CDKN1A: variants seen among roughly 807,000 people sequenced by gnomAD.
CDKN1A encodes the protein cyclin dependent kinase inhibitor 1A, also known as cyclin-dependent kinase inhibitor 1.
CDKN1A carries 14 observed loss-of-function variants against 14.8 expected under a neutral mutation model. The ratio of observed to expected loss-of-function variants is 0.94; its 90% CI spans 0.62 to 1.48. The LOEUF is 1.48. Ranked by LOEUF, CDKN1A falls within the 40% of genes most tolerant of loss-of-function variation. CDKN1A has a pLI of 0.00. For missense variants in CDKN1A, 203 were observed against 231.7 expected, an observed-to-expected ratio of 0.88 and a Z score of 0.80; for synonymous variants, 92 against 93.5, an observed-to-expected ratio of 0.98 and a Z score of 0.09.
At chr6:36,683,279 T>C (rs1762078233) in intron 1 of CDKN1A, among the ~76,000 whole-genome samples, 2 of 152,198 alleles carry the variant, frequency 1.3e-5, no homozygotes, top group Non-Finnish European at 2.9e-5. Context: ...TTAAGTTGCT[T>C]GCCCAGGGTC....
In CDKN1A at chr6:36,684,349, G is replaced by A. The variant is rs757674126; in HGVS notation, c.248G>A (p.Arg83Gln). Residue 83 changes from arginine (R) to glutamine (Q), a missense_variant, in exon 2 of 3, where the codon CGG (arginine) becomes CAG (glutamine). By Grantham distance (43) the Arg-to-Gln change is conservative. Transcript: ENST00000244741. This position sits in a 1 kb window ranked among gnomAD's most constrained non-coding sequence, Gnocchi z 6.0. ...LPKLYLPTGP[R>Q]RGRDELGGGR... ...AAGCTCTACCTTCCCACGGGGCCCCGGCGAGGCCGGGATGAGTTGGGAGGA... is the reference window on the plus strand; with the variant it reads ...AAGCTCTACCTTCCCACGGGGCCCCAGCGAGGCCGGGATGAGTTGGGAGGA... 1.4e-5 allele frequency: 23 copies of A among 1,613,174 alleles called. No homozygotes were observed. The African/African-American group carries it at 2.4e-4, about 17-fold the overall frequency.
intron 1 of CDKN1A, among the ~76,000 whole-genome samples, chr6:36,681,989 C>T (rs966432351): frequency 1.3e-5 from 2 of 152,170 alleles, no homozygotes; most frequent in Non-Finnish European, 2.9e-5. Flanking sequence ...AAATGATTCT[C>T]CCACCTCTGC....
In CDKN1A at chr6:36,684,011, C is replaced by A; in HGVS notation, c.-5-86C>A. 7.6e-7 allele frequency: 1 copy of A among 1,314,396 alleles called. No homozygotes were observed. The allele number at this position is 1,314,396 out of a possible 1,614,324, so 81.4% of individuals were successfully genotyped here. A position where few individuals can be genotyped will look rare whatever the true frequency, so the allele number is the denominator to read the frequency against. ...GAGACCCTCTGGTAGGAAGACGTCA[C>A]CTGAGGTGACACAGCAAAGCCCGGC... is the stretch of plus-strand genomic sequence containing the variant. On this transcript the variant is annotated intron_variant, in intron 1 of 2. Transcript: ENST00000244741. This position sits in a 1 kb window ranked among gnomAD's most constrained non-coding sequence, Gnocchi z 6.0.
intron 1 of CDKN1A, among the ~76,000 whole-genome samples, chr6:36,680,171 A>T (rs1761867203): frequency 6.6e-6 from 1 of 151,862 alleles, no homozygotes; most frequent in East Asian, 1.9e-4. Flanking sequence ...TTCTGGGAGG[A>T]CTTGCGAGCG....
Position 36,684,168 on chromosome 6 carries a change from G to A in CDKN1A, c.67G>A (p.Gly23Ser), listed in dbSNP as rs770464093. 25 of 1,612,370 alleles carry A rather than the reference G, an allele frequency of 1.6e-5. No individual in the cohort carries two copies. Among genetic ancestry groups the A allele is most frequent in the Non-Finnish European group, 2.1e-5 (25 of 1,180,004 alleles). ...CGSKACRRLF[G>S]PVDSEQLSRD... ...CAGCAAGGCCTGCCGCCGCCTCTTCGGCCCAGTGGACAGCGAGCAGCTGAG... is the reference window on the plus strand; with the variant it reads ...CAGCAAGGCCTGCCGCCGCCTCTTCAGCCCAGTGGACAGCGAGCAGCTGAG... Residue 23 changes from glycine (G) to serine (S), a missense_variant, in exon 2 of 3, where the codon GGC becomes AGC. Gly to Ser is a moderately conservative substitution (Grantham distance 56). Transcript: ENST00000244741. The surrounding 1 kb of genome is among the most constrained non-coding windows in gnomAD (Gnocchi z 6.0).
In CDKN1A at chr6:36,686,841, G is replaced by A; in HGVS notation, c.*1041G>A. 4.3e-6 allele frequency: 1 copy of A among 233,806 alleles called. No homozygotes were observed. Among genetic ancestry groups the A allele is most frequent in the Non-Finnish European group, 8.5e-6 (1 of 118,106 alleles). The allele number at this position is 233,806 out of a possible 1,614,324, so 14.5% of individuals were successfully genotyped here. On this transcript the variant is annotated 3_prime_UTR_variant, in exon 3 of 3. Transcript: ENST00000244741. The surrounding 1 kb of genome is among the most constrained non-coding windows in gnomAD (Gnocchi z 4.9). The stretch of plus-strand genomic sequence containing the variant: ...GGCCCCCTTGAGTGGGGTTATCTCT[G>A]TGTTAGGGGTATATGATGGGGGAGT...
At chr6:36,682,869 C>G (rs1285303964) in intron 1 of CDKN1A, 1 of 152,288 alleles carries the variant, frequency 6.6e-6, no homozygotes, top group South Asian at 2.1e-4. Context: ...ACAGGCAACA[C>G]GAGGCAGGGG....
chr6:36,684,556 T>C lies in CDKN1A; in HGVS notation c.445+10T>C, dbSNP rs1762137877. 1 of 1,613,240 alleles carries C rather than the reference T, an allele frequency of 6.2e-7. No homozygotes were observed. Among genetic ancestry groups the C allele is most frequent in the Non-Finnish European group, 8.5e-7 (1 of 1,179,388 alleles). ...CAGACCAGCATGACAGGTGCGGACA[T>C]GTGCACGGAAGGACTTTGTAAGGGA... On this transcript the variant is annotated intron_variant, in intron 2 of 2. Transcript: ENST00000244741. This position sits in a 1 kb window ranked among gnomAD's most constrained non-coding sequence, Gnocchi z 6.0.
upstream of CDKN1A, chr6:36,678,502 GA>G: frequency 5.5e-6 from 1 of 182,564 alleles, no homozygotes; most frequent in Non-Finnish European, 1.0e-5. This position sits in a 1 kb window ranked among gnomAD's most constrained non-coding sequence, Gnocchi z 5.7. Flanking sequence ...GGGGAGGAGG[GA>G]AGTGCCCTCC....
In CDKN1A at chr6:36,684,922, C is replaced by T. The variant is rs1762149875; in HGVS notation, c.445+376C>T. 6.6e-6 allele frequency among the ~76,000 whole-genome samples: 1 copy of T among 152,176 alleles called. No homozygotes were observed. The highest frequency in any genetic ancestry group is 1.5e-5 in the Non-Finnish European group (1 of 68,020). ...TCATGGCTCACTGCAGCTTCAAACTCCTGGGCTCAAGCGATCTTCCTACCT... is the reference window on the plus strand; with the variant it reads ...TCATGGCTCACTGCAGCTTCAAACTTCTGGGCTCAAGCGATCTTCCTACCT... On this transcript the variant is annotated intron_variant, in intron 2 of 2. Coordinates refer to ENST00000244741, the MANE Select transcript of CDKN1A (RefSeq NM_000389.5). The surrounding 1 kb of genome is among the most constrained non-coding windows in gnomAD (Gnocchi z 6.0).
chr6:36,677,830 A>G, upstream of CDKN1A: 3 of 1,349,778 alleles, frequency 2.2e-6, no homozygotes, highest in Non-Finnish European at 2.9e-6. Context: ...AGCAGTGTAT[A>G]CGGGCTATGT....
chr6:36,679,863 G>A (rs1761848897), intron 1 of CDKN1A, among the ~76,000 whole-genome samples: 1 of 152,032 alleles, frequency 6.6e-6, no homozygotes, highest in East Asian at 1.9e-4. Context: ...TGTCTTTGAG[G>A]GGTGGGGGGT....
At position 36,684,521 on chromosome 6, in the gene CDKN1A, A is replaced by G. The variant is rs201465895; in HGVS notation, c.420A>G (p.Arg140=). The change falls in exon 2 of 3, where the codon CGA becomes CGG. Residue 140 remains arginine (R), a synonymous_variant. Coordinates refer to ENST00000244741, the MANE Select transcript of CDKN1A (RefSeq NM_000389.5). This position sits in a 1 kb window ranked among gnomAD's most constrained non-coding sequence, Gnocchi z 6.0. ...SPGGPGDSQG[R]KRRQTSMTDF... ...GTGGACCTGGAGACTCTCAGGGTCG[A>G]AAACGGCGGCAGACCAGCATGACAG... 9.3e-6 allele frequency: 15 copies of G among 1,614,198 alleles called. No individual in the cohort carries two copies. In the East Asian group the frequency reaches 3.3e-4, roughly 36 times the overall value.
chr6:36,683,310 C>T (rs1329983513), intron 1 of CDKN1A, among the ~76,000 whole-genome samples: 3 of 152,182 alleles, frequency 2.0e-5, no homozygotes, highest in Non-Finnish European at 4.4e-5. Flanking sequence ...ACCTGGACTC[C>T]AGCCCAGGTG....
At chr6:36,679,549 C>T (rs893337490) in intron 1 of CDKN1A, among the ~76,000 whole-genome samples, 3 of 152,254 alleles carry the variant, frequency 2.0e-5, no homozygotes, top group African/African-American at 7.2e-5. Flanking sequence ...TTCGCGGTCT[C>T]CGTCCTCCCA....
intron 1 of CDKN1A, among the ~76,000 whole-genome samples, 188 bp from the exon 2 acceptor site, chr6:36,683,909 A>G (rs1259273915): frequency 6.6e-6 from 1 of 152,216 alleles, no homozygotes; most frequent in Non-Finnish European, 1.5e-5. Flanking sequence ...TTGGTGTGCC[A>G]GGCTGGCTGA....
At chr6:36,679,853 T>C (rs1010378789) in intron 1 of CDKN1A, among the ~76,000 whole-genome samples, 1 of 144,050 alleles carries the variant, frequency 6.9e-6, no homozygotes, top group African/African-American at 2.6e-5. Flanking sequence ...GGAGGGTTCA[T>C]GTCTTTGAGG....
At chr6:36,678,622 G>A, upstream of CDKN1A, 1 of 980,922 alleles carries the variant, frequency 1.0e-6, no homozygotes, top group Non-Finnish European at 1.2e-6. This position sits in a 1 kb window ranked among gnomAD's most constrained non-coding sequence, Gnocchi z 5.7. Flanking sequence ...GCGGTCCCGG[G>A]CGGCGCGGTG....
Position 36,683,652 on chromosome 6 carries a change from G to A in CDKN1A, c.-5-445G>A, listed in dbSNP as rs186765327. Among the ~76,000 whole-genome samples, 8 of 152,322 alleles carry A rather than the reference G, an allele frequency of 5.3e-5. No homozygotes were observed. The East Asian group carries it at 1.5e-3, about 29-fold the overall frequency. ...GGGGACTTAGGAGGCTGGAGGAACT[G>A]TCAGACTGTTTCTTCTTTTGGGAAT... On this transcript the variant is annotated intron_variant, in intron 1 of 2. Transcript: ENST00000244741.
Sources: allele counts gnomAD v4.1 joint callset (sites outside exome capture counted in the v4.1 genomes callset), GRCh38; gene constraint gnomAD v4.1.1; non-coding constraint Gnocchi (gnomAD v3.1); transcripts MANE v1.5; gene names NCBI Gene and HGNC (gene_info 2026-07-23, HGNC 2026-07-21).